CYP4F22: variants seen among roughly 807,000 people sequenced by gnomAD.
CYP4F22 encodes the protein ultra-long-chain fatty acid omega-hydroxylase.
In CYP4F22, 37 loss-of-function variants were observed where a neutral mutation model predicts 60.4. That is an observed-to-expected ratio of 0.61 (90% CI 0.47 to 0.81). The LOEUF is 0.81. CYP4F22 is among the 30% of genes least tolerant of loss of function. CYP4F22 has a pLI of 0.00. For missense variants in CYP4F22, 655 were observed against 715.0 expected (o/e 0.92, Z 0.96); for synonymous variants, 258 against 280.5 (o/e 0.92, Z 0.80).
At chr19:15,521,872 TG>T (rs978564560) in intron 1 of CYP4F22, among the ~76,000 whole-genome samples, 42 of 151,712 alleles carry the variant, frequency 2.8e-4, no homozygotes, top group African/African-American at 8.2e-4. Context: ...TGGCCGGGCG[TG>T]GTGGCTCACG....
At chr19:15,548,588 C>G (rs1428744784) in intron 11 of CYP4F22, among the ~76,000 whole-genome samples, 2 of 152,126 alleles carry the variant, frequency 1.3e-5, no homozygotes, top group Non-Finnish European at 2.9e-5. Flanking sequence ...GAGTATTGCC[C>G]TTTCTGGGGG....
In CYP4F22 at chr19:15,537,209, G is replaced by T. The variant is rs141662583; in HGVS notation, c.368-152G>T. ...CCAGCTACTCAGGAGGCAGAGGCAG[G>T]AAAACTGCTTGAACCTGGGAGGCGG... On this transcript the variant is annotated intron_variant, in intron 4 of 13. Coordinates refer to ENST00000269703, the MANE Select transcript of CYP4F22 (RefSeq NM_173483.4). The T allele has an allele frequency of 9.1e-3, 9,014 of 988,978 alleles. 88 individuals carry two copies. The highest frequency in any genetic ancestry group is 0.018 in the Middle Eastern group (58 of 3,252). 61.3% of individuals were successfully genotyped at this position (988,978 alleles called of 1,614,324 possible).
chr19:15,531,127 G>A (rs1226403245), intron 4 of CYP4F22, among the ~76,000 whole-genome samples: 4 of 151,984 alleles, frequency 2.6e-5, no homozygotes, highest in Admixed American at 6.6e-5. Context: ...CTGTAGTCTC[G>A]GCTACTTGGG....
intron 8 of CYP4F22, among the ~76,000 whole-genome samples, chr19:15,543,367 T>C (rs1179240780): frequency 6.6e-6 from 1 of 152,140 alleles, no homozygotes; most frequent in African/African-American, 2.4e-5. Context: ...GGCTGATTTT[T>C]TTTTTGTAGA....
At chr19:15,529,622 T>C in intron 3 of CYP4F22, 87 bp from the exon 4 acceptor site, 1 of 1,567,840 alleles carries the variant, frequency 6.4e-7, no homozygotes. Flanking sequence ...TGGGCTTGTT[T>C]TGAGACTACA....
At chr19:15,549,900 T>A (rs1473202394) in intron 12 of CYP4F22, among the ~76,000 whole-genome samples, 1 of 152,140 alleles carries the variant, frequency 6.6e-6, no homozygotes, top group Non-Finnish European at 1.5e-5. Context: ...CCCAGCAGTT[T>A]GAGGCTGCAA....
intron 1 of CYP4F22, among the ~76,000 whole-genome samples, chr19:15,521,430 G>A (rs1029145338): frequency 1.3e-5 from 2 of 151,672 alleles, no homozygotes; most frequent in African/African-American, 4.8e-5. Flanking sequence ...ACGGGGTTTC[G>A]CCATGTTGGC....
At chr19:15,512,119 G>A (rs1435160419) in intron 1 of CYP4F22, among the ~76,000 whole-genome samples, 1 of 152,132 alleles carries the variant, frequency 6.6e-6, no homozygotes, top group Non-Finnish European at 1.5e-5. Flanking sequence ...CATTTTGTGA[G>A]CTACGTGACA....
intron 4 of CYP4F22, 47 bp from the exon 5 acceptor site, chr19:15,537,311 AAAC>A (rs766283816): frequency 6.2e-7 from 1 of 1,612,576 alleles, no homozygotes; most frequent in South Asian, 1.1e-5. Flanking sequence ...AAAAAACAAA[AAAC>A]CAAAAAACTC....
chr19:15,532,742 C>A (rs1971357347), intron 4 of CYP4F22, among the ~76,000 whole-genome samples: 1 of 152,116 alleles, frequency 6.6e-6, no homozygotes, highest in Non-Finnish European at 1.5e-5. Flanking sequence ...TTCCTGAGCA[C>A]CATCCTGCCT....
intron 3 of CYP4F22, among the ~76,000 whole-genome samples, chr19:15,528,422 T>C (rs528462204): frequency 2.9e-4 from 44 of 152,252 alleles, no homozygotes; most frequent in African/African-American, 9.4e-4. Context: ...TGATGGGCAT[T>C]GGTGTATAAA....
intron 1 of CYP4F22, among the ~76,000 whole-genome samples, chr19:15,520,083 G>A (rs1378978548): frequency 1.3e-5 from 2 of 152,114 alleles, no homozygotes; most frequent in African/African-American, 4.8e-5. Context: ...GGTGGCTCAA[G>A]CCTGTAATCC....
Position 15,551,558 on chromosome 19 carries a change from C to G in CYP4F22, c.*87C>G. ...GCCCCAAAGATCCCGAGGGCATAGG[C>G]CACCCCCCTCGAAGTTCAGGTTCAG... is the stretch of plus-strand genomic sequence containing the variant. On this transcript the variant is annotated 3_prime_UTR_variant, in exon 14 of 14. Coordinates refer to ENST00000269703, the MANE Select transcript of CYP4F22 (RefSeq NM_173483.4). 1 of 1,456,200 alleles carries G rather than the reference C, an allele frequency of 6.9e-7. No individual in the cohort carries two copies. 90.2% of individuals were successfully genotyped at this position (1,456,200 alleles called of 1,614,324 possible).
chr19:15,521,866 C>T (rs1021461822), intron 1 of CYP4F22, among the ~76,000 whole-genome samples: 8 of 151,906 alleles, frequency 5.3e-5, no homozygotes, highest in African/African-American at 9.7e-5. Flanking sequence ...CACCAGTGGC[C>T]GGGCGTGGTG....
At position 15,540,456 on chromosome 19, in the gene CYP4F22, G is replaced by C; in HGVS notation, c.678G>C (p.Met226Ile). 1 of 1,614,180 alleles carries C rather than the reference G, an allele frequency of 6.2e-7. No individual in the cohort carries two copies. Among genetic ancestry groups the C allele is most frequent in the Non-Finnish European group, 8.5e-7 (1 of 1,180,034 alleles). The stretch of plus-strand genomic sequence containing the variant: ...ATCCCCTTCTCCTTGGCAGGAAGAT[G>C]AGTGATTATATCTCCGCTATCATTG... Reference protein sequence around the residue: ...FSYNSNCQEKMSDYISAIIEL... With the variant: ...FSYNSNCQEKISDYISAIIEL... The change falls in exon 8 of 14, where the codon ATG (methionine) becomes ATC (isoleucine). Residue 226 changes from methionine to isoleucine, a missense_variant. Around this residue, in one of 3 missense-constraint regions of CYP4F22, gnomAD observed 430 missense variants for 457.1 expected, o/e 0.94. Transcript: ENST00000269703.
intron 10 of CYP4F22, 100 bp from the exon 11 acceptor site, chr19:15,547,980 AGAGAGAGAGAGAGAGGGAGAGAGTGTGT>A: frequency 1.0e-6 from 1 of 1,004,426 alleles, no homozygotes; most frequent in Non-Finnish European, 1.4e-6. Context: ...AGAGAGAGAG[AGAGAGAGAGAGAGAGGGAGAGAGTGTGT>A]GTGTGTGTGT....
At chr19:15,535,439 A>T (rs1371721801) in intron 4 of CYP4F22, among the ~76,000 whole-genome samples, 1 of 152,236 alleles carries the variant, frequency 6.6e-6, no homozygotes, top group African/African-American at 2.4e-5. Context: ...GTGTCGGTGT[A>T]GGTGGCTGAG....
chr19:15,538,040 C>T lies in CYP4F22; in HGVS notation c.671+47C>T, dbSNP rs1396575521. 1.9e-6 allele frequency: 3 copies of T among 1,612,370 alleles called. No homozygotes were observed. The South Asian group carries it at 3.3e-5, about 18-fold the overall frequency. Reference sequence around the variant, plus strand: ...AAGATGGAGCCAGCTGCTCTAGGAGCAAGATGGTGGCAGGAGAAAGGGAAC... The same window carrying T: ...AAGATGGAGCCAGCTGCTCTAGGAGTAAGATGGTGGCAGGAGAAAGGGAAC... On this transcript the variant is annotated intron_variant, in intron 7 of 13. Transcript: ENST00000269703.
intron 13 of CYP4F22, among the ~76,000 whole-genome samples, 197 bp downstream of exon 13, chr19:15,550,953 G>T (rs1971588019): frequency 6.6e-6 from 1 of 152,178 alleles, no homozygotes; most frequent in South Asian, 2.1e-4. Flanking sequence ...GAGCACCAAC[G>T]GTGTGTCAGG....
Sources: allele counts gnomAD v4.1 joint callset (sites outside exome capture counted in the v4.1 genomes callset), GRCh38; gene constraint gnomAD v4.1.1; regional missense constraint gnomAD v4.1.1; transcripts MANE v1.5; gene names NCBI Gene and HGNC (gene_info 2026-07-23, HGNC 2026-07-21).